The following CHD9 variants were observed in gnomAD, a reference collection of about 807,000 sequenced individuals.
CHD9 encodes ATP-dependent chromatin remodeler CHD9.
CHD9 carries 77 observed loss-of-function variants against 316.1 expected under a neutral mutation model. The ratio of observed to expected loss-of-function variants is 0.24; its 90% CI spans 0.20 to 0.29. CHD9 has a LOEUF of 0.29. Among genes scored for constraint, CHD9 ranks in the 10% least tolerant of loss-of-function variants. The probability of loss-of-function intolerance (pLI) is 1.00; values close to 1 mark genes in which losing one functional copy is unlikely to be tolerated. For synonymous variants in CHD9, 1,129 were observed against 1,158.3 expected, an observed-to-expected ratio of 0.97 and a Z score of 0.51; for missense variants, 2,763 against 3,438.1, an observed-to-expected ratio of 0.80 and a Z score of 4.91.
At chr16:53,055,498 C>CCCG (rs968823883) in intron 1 of CHD9, among the ~76,000 whole-genome samples, 2 of 151,630 alleles carry the variant, frequency 1.3e-5, no homozygotes, top group Non-Finnish European at 2.9e-5. Context: ...ACCCCCGCCC[C>CCCG]CCCCCAGAGA....
intron 24 of CHD9, among the ~76,000 whole-genome samples, chr16:53,279,115 T>G (rs2053159811): frequency 6.6e-6 from 1 of 152,128 alleles, no homozygotes; most frequent in African/African-American, 2.4e-5. Flanking sequence ...AACCCAAATG[T>G]CCATCAGTGA....
chr16:53,102,172 C>T (rs146893544), intron 1 of CHD9, among the ~76,000 whole-genome samples: 1 of 152,262 alleles, frequency 6.6e-6, no homozygotes, highest in Non-Finnish European at 1.5e-5. Flanking sequence ...CTGGTCTTCA[C>T]TAGGACTCAC....
chr16:53,250,284 A>G (rs921157684), intron 17 of CHD9: 4 of 500,230 alleles, frequency 8.0e-6, no homozygotes, highest in Middle Eastern at 5.3e-4. Context: ...TCACTAACTT[A>G]TATGTCTTAC....
chr16:53,068,209 G>A (rs1431949531), intron 1 of CHD9, among the ~76,000 whole-genome samples: 2 of 152,112 alleles, frequency 1.3e-5, no homozygotes, highest in Non-Finnish European at 2.9e-5. Flanking sequence ...ACTACCTGCT[G>A]CTTAAGGTTA....
chr16:53,103,190 G>T (rs1398469969), intron 1 of CHD9, among the ~76,000 whole-genome samples: 5 of 140,224 alleles, frequency 3.6e-5, no homozygotes, highest in East Asian at 2.1e-4. Context: ...GATTTTATTT[G>T]TTTTTTTTTT....
At chr16:53,235,356 A>C in intron 11 of CHD9, 50 bp downstream of exon 11, 1 of 1,301,108 alleles carries the variant, frequency 7.7e-7, no homozygotes, top group South Asian at 1.4e-5. Flanking sequence ...ATGTGTGCCA[A>C]AATGTGTCAA....
chr16:53,157,542 G>A lies in CHD9; in HGVS notation c.1452+1G>A. On this transcript the variant is annotated splice_donor_variant, in intron 2 of 38. Coordinates refer to ENST00000447540, the MANE Select transcript of CHD9 (RefSeq NM_001308319.2). LOFTEE classifies it high-confidence loss of function. The stretch of plus-strand genomic sequence containing the variant: ...AAATCACCTATGTTTACAGCGACAG[G>A]TATGTAGCTCTTTGCTTTTATTTTG... 1 of 1,603,386 alleles carries A rather than the reference G, an allele frequency of 6.2e-7. No individual in the cohort carries two copies. Among genetic ancestry groups the A allele is most frequent in the Non-Finnish European group, 8.5e-7 (1 of 1,172,654 alleles).
At chr16:53,290,402 C>T (rs1168189469) in intron 27 of CHD9, among the ~76,000 whole-genome samples, 3 of 152,112 alleles carry the variant, frequency 2.0e-5, no homozygotes, top group Non-Finnish European at 4.4e-5. Flanking sequence ...CTCTGGTTTG[C>T]TGTACTAACA....
intron 1 of CHD9, among the ~76,000 whole-genome samples, chr16:53,060,342 A>C (rs2032716171): frequency 6.6e-6 from 1 of 151,350 alleles, no homozygotes; most frequent in Non-Finnish European, 1.5e-5. Context: ...GGTTGGGTGC[A>C]GTGGCTCATG....
At chr16:53,173,903 T>A (rs539977109) in intron 2 of CHD9, among the ~76,000 whole-genome samples, 1 of 152,300 alleles carries the variant, frequency 6.6e-6, no homozygotes, top group South Asian at 2.1e-4. Flanking sequence ...TTTCTTCTTA[T>A]TCTATTATAG....
At chr16:53,125,002 C>T (rs2038907900) in intron 1 of CHD9, among the ~76,000 whole-genome samples, 1 of 152,138 alleles carries the variant, frequency 6.6e-6, no homozygotes, top group Non-Finnish European at 1.5e-5. Flanking sequence ...TTTTGATTTG[C>T]ATTTCTCTAA....
At position 53,107,405 on chromosome 16, in the gene CHD9, A is replaced by G. The variant is rs367767864; in HGVS notation, c.-164-48521A>G. ...AACCCGGGAGGTGGAGGTTGCAGTG[A>G]GCCGAGATTGCACCACTGCACTCCA... On this transcript the variant is annotated intron_variant, in intron 1 of 38. Coordinates refer to ENST00000447540, the MANE Select transcript of CHD9 (RefSeq NM_001308319.2). 3.4e-4 allele frequency among the ~76,000 whole-genome samples: 51 copies of G among 152,020 alleles called. No individual in the cohort carries two copies. The East Asian group carries it at 9.3e-3, about 28-fold the overall frequency.
At chr16:53,158,837 A>G (rs974825508) in intron 2 of CHD9, among the ~76,000 whole-genome samples, 17 of 152,172 alleles carry the variant, frequency 1.1e-4, no homozygotes, top group African/African-American at 3.1e-4. Context: ...TGATCTTGCC[A>G]TGTTGCCTGG....
intron 33 of CHD9, among the ~76,000 whole-genome samples, 191 bp downstream of exon 33, chr16:53,308,144 T>C (rs974524673): frequency 5.3e-5 from 8 of 152,214 alleles, no homozygotes; most frequent in Non-Finnish European, 1.2e-4. Flanking sequence ...ATTAAATATG[T>C]TTTTCTCTTT....
chr16:53,145,566 C>T (rs931832083), intron 1 of CHD9, among the ~76,000 whole-genome samples: 6 of 151,496 alleles, frequency 4.0e-5, no homozygotes, highest in African/African-American at 1.2e-4. Flanking sequence ...ATTAGCTGAG[C>T]GTGGTGGAGG....
In CHD9 at chr16:53,209,474, T is replaced by A; in HGVS notation, c.1453-8T>A. 2 of 1,568,172 alleles carry A rather than the reference T, an allele frequency of 1.3e-6. No individual in the cohort carries two copies. The highest frequency in any genetic ancestry group is 1.7e-6 in the Non-Finnish European group (2 of 1,158,954). On this transcript the variant is annotated splice_polypyrimidine_tract_variant and splice_region_variant and intron_variant, in intron 2 of 38. Coordinates refer to ENST00000447540, the MANE Select transcript of CHD9 (RefSeq NM_001308319.2). ...TATATTCTATAAAAAATATTTTTGT[T>A]TCTGTAGCCTCCATCTTCCAAGAAG...
At chr16:53,295,319 G>A (rs991137268) in intron 29 of CHD9, among the ~76,000 whole-genome samples, 4 of 152,126 alleles carry the variant, frequency 2.6e-5, no homozygotes, top group Admixed American at 2.0e-4. Flanking sequence ...TAGACACTGG[G>A]TTTCACCATG....
At chr16:53,121,910 C>A (rs1394818992) in intron 1 of CHD9, 1 of 152,462 alleles carries the variant, frequency 6.6e-6, no homozygotes, top group African/African-American at 2.4e-5. Context: ...AACTGAAGTT[C>A]CTTTCAGAGT....
intron 37 of CHD9, chr16:53,319,914 T>C: frequency 4.4e-6 from 4 of 900,202 alleles, no homozygotes; most frequent in East Asian, 7.4e-5. Context: ...ATGAAGGAGA[T>C]AATAAAAAAG....
Sources: gnomAD v4.1 joint callset for allele counts (sites outside exome capture counted in the v4.1 genomes callset) on GRCh38, gnomAD v4.1.1 for gene constraint, MANE v1.5 for transcripts, NCBI Gene and HGNC (gene_info 2026-07-23, HGNC 2026-07-21) for gene names.